PDIA4: variants seen among roughly 807,000 people sequenced by gnomAD.
PDIA4 encodes the protein protein disulfide isomerase family A member 4.
PDIA4 carries 33 observed loss-of-function variants against 62.1 expected under a neutral mutation model. The ratio of observed to expected loss-of-function variants is 0.53; its 90% CI spans 0.40 to 0.71. The LOEUF (loss-of-function observed/expected upper bound fraction) is 0.71, where lower values mean the gene tolerates loss of function less well. Ranked by LOEUF, PDIA4 falls within the 30% of genes least tolerant of loss-of-function variation. PDIA4 has a pLI of 0.00. For missense variants in PDIA4, 804 were observed against 813.6 expected (o/e 0.99, Z 0.14); for synonymous variants, 341 against 324.1 (o/e 1.05, Z -0.56).
chr7:149,006,881 A>C (rs1342229440), intron 7 of PDIA4, among the ~76,000 whole-genome samples: 2 of 152,220 alleles, frequency 1.3e-5, no homozygotes, highest in Non-Finnish European at 2.9e-5. Flanking sequence ...CGCCAGAAGA[A>C]CTGGGAGCAG....
intron 1 of PDIA4, among the ~76,000 whole-genome samples, chr7:149,021,790 T>C (rs1419761648): frequency 2.0e-5 from 3 of 152,148 alleles, no homozygotes; most frequent in African/African-American, 7.2e-5. Flanking sequence ...AACCCTGCCC[T>C]GAGCCCAGAC....
rs528681758 is a variant in PDIA4, at chr7:149,003,549, T to A, written c.*245A>T. On this transcript the variant is annotated 3_prime_UTR_variant, in exon 10 of 10. Transcript: ENST00000652332. ...AGAAATTAGAAGGTGTAAAAAAAAATTTTTCAAACCCCAAATAATGATAAA... is the reference window on the plus strand; with the variant it reads ...AGAAATTAGAAGGTGTAAAAAAAAAATTTTCAAACCCCAAATAATGATAAA... 7 of 362,210 alleles carry A rather than the reference T, an allele frequency of 1.9e-5. No individual in the cohort carries two copies. Among genetic ancestry groups the A allele is most frequent in the South Asian group, 1.5e-4 (1 of 6,772 alleles). 22.4% of individuals were successfully genotyped at this position (362,210 alleles called of 1,614,324 possible).
At chr7:149,018,825 C>A in intron 3 of PDIA4, among the ~76,000 whole-genome samples, 167 bp downstream of exon 3, 1 of 139,112 alleles carries the variant, frequency 7.2e-6, no homozygotes, top group African/African-American at 2.6e-5. Context: ...CACTACTCCC[C>A]CCTCCTACCC....
chr7:149,020,993 T>C lies in PDIA4; in HGVS notation c.243A>G (p.Thr81=), dbSNP rs879077152. The C allele has an allele frequency of 1.2e-6, 2 of 1,614,056 alleles. No individual in the cohort carries two copies. Among genetic ancestry groups the C allele is most frequent in the African/African-American group, 1.3e-5 (1 of 74,934 alleles). Residue 81 remains threonine (T), a synonymous_variant, in exon 2 of 10, where the codon ACA becomes ACG. Coordinates refer to ENST00000652332, the MANE Select transcript of PDIA4 (RefSeq NM_004911.5). ...ATGGAGCATAAAACTCCAGCAGCAC[T>C]GTGTCTTTGTCAGCCACAAAATTAT... ...NFDNFVADKD[T]VLLEFYAPWC...
Position 149,004,033 on chromosome 7 carries a change from T to C in PDIA4, c.1699A>G (p.Ser567Gly). 1 of 1,614,178 alleles carries C rather than the reference T, an allele frequency of 6.2e-7. No individual in the cohort carries two copies. The highest frequency in any genetic ancestry group is 8.5e-7 in the Non-Finnish European group (1 of 1,180,008). ...HCKQLEPVYN[S>G]LAKKYKGQKG... ...TGGCCCTTGTACTTCTTGGCCAGGCTGTTGTACACGGGCTCTAGCTGCTTG... is the reference window on the plus strand; with the variant it reads ...TGGCCCTTGTACTTCTTGGCCAGGCCGTTGTACACGGGCTCTAGCTGCTTG... The change falls in exon 10 of 10, where the codon AGC (serine) becomes GGC (glycine). Residue 567 changes from serine (S) to glycine (G), a missense_variant. Coordinates refer to ENST00000652332, the MANE Select transcript of PDIA4 (RefSeq NM_004911.5).
chr7:149,006,162 CT>C, intron 7 of PDIA4, 109 bp from the exon 8 acceptor site: 1 of 1,185,120 alleles, frequency 8.4e-7, no homozygotes, highest in Non-Finnish European at 1.1e-6. Context: ...GGGGATCAGT[CT>C]TAGGAGGCAA....
At chr7:149,011,304 C>A (rs1036739117) in intron 6 of PDIA4, among the ~76,000 whole-genome samples, 1 of 152,138 alleles carries the variant, frequency 6.6e-6, no homozygotes, top group Admixed American at 6.5e-5. Context: ...CCTGCCCCTA[C>A]CCCAACAGAA....
At chr7:149,025,973 G>A (rs1394366235) in intron 1 of PDIA4, among the ~76,000 whole-genome samples, 5 of 152,108 alleles carry the variant, frequency 3.3e-5, no homozygotes, top group Non-Finnish European at 7.3e-5. Flanking sequence ...CCCTGCAACC[G>A]GAGGCTTAAA....
rs1358932752 is a variant in PDIA4 at position 149,003,242 on chromosome 7, A to T, written c.*552T>A. ...CTGAGCCCACCCTGGGGGACCCTGG[A>T]TCATGCCCCTTTGCCCCCAGCCCTT... On this transcript the variant is annotated 3_prime_UTR_variant, in exon 10 of 10. Coordinates refer to ENST00000652332, the MANE Select transcript of PDIA4 (RefSeq NM_004911.5). 2 of 158,762 alleles carry T rather than the reference A, an allele frequency of 1.3e-5. No individual in the cohort carries two copies. Among genetic ancestry groups the T allele is most frequent in the African/African-American group, 4.8e-5 (2 of 41,486 alleles). The allele number at this position is 158,762 out of a possible 1,614,324, so 9.8% of individuals were successfully genotyped here. A position where few individuals can be genotyped will look rare whatever the true frequency, so the allele number is the denominator to read the frequency against.
rs539882882 is a variant in PDIA4 at position 149,028,248 on chromosome 7, C to G, written c.88+73G>C. ...CGCGGAAGCCCGCCCGCCGGGGTCG[C>G]AGGGCCCAGGCCCCCGCACAGCTCT... On this transcript the variant is annotated intron_variant, in intron 1 of 9. Transcript: ENST00000652332. The G allele has an allele frequency of 2.5e-3, 2,801 of 1,142,084 alleles. 36 individuals are homozygous for G. In the African/African-American group the frequency reaches 0.031, roughly 13 times the overall value. The allele number at this position is 1,142,084 out of a possible 1,614,324, so 70.7% of individuals were successfully genotyped here. A position where few individuals can be genotyped will look rare whatever the true frequency, so the allele number is the denominator to read the frequency against.
In PDIA4 at chr7:149,005,937, G is replaced by C; in HGVS notation, c.1248C>G (p.Val416=). ...AGCTGAAGTCCACACTGTAGTAGAC[G>C]ACCACCAGGGGGCGCCTGGTGTAGC... ...AKRYTRRPLV[V]VYYSVDFSFD... The change falls in exon 8 of 10, where the codon GTC becomes GTG. Residue 416 remains valine, a synonymous_variant. Coordinates refer to ENST00000652332, the MANE Select transcript of PDIA4 (RefSeq NM_004911.5). 1 of 1,532,344 alleles carries C rather than the reference G, an allele frequency of 6.5e-7. No individual in the cohort carries two copies. The highest frequency in any genetic ancestry group is 8.7e-7 in the Non-Finnish European group (1 of 1,151,262). 94.9% of individuals were successfully genotyped at this position (1,532,344 alleles called of 1,614,324 possible). A position where few individuals can be genotyped will look rare whatever the true frequency, so the allele number is the denominator to read the frequency against.
chr7:149,012,597 G>A (rs888705426), intron 4 of PDIA4, among the ~76,000 whole-genome samples: 1 of 152,164 alleles, frequency 6.6e-6, no homozygotes, highest in African/African-American at 2.4e-5. Flanking sequence ...GTACACACAT[G>A]TACAGGACAC....
intron 8 of PDIA4, 132 bp downstream of exon 8, chr7:149,005,765 C>A: frequency 1.5e-6 from 1 of 684,948 alleles, no homozygotes; most frequent in Non-Finnish European, 2.3e-6. Flanking sequence ...CACCAACGTG[C>A]AAGGGCCCCA....
Position 149,019,097 on chromosome 7 carries a change from A to G in PDIA4, c.370T>C (p.Ser124Pro). 2 of 1,613,652 alleles carry G rather than the reference A, an allele frequency of 1.2e-6. No individual in the cohort carries two copies. The highest frequency in any genetic ancestry group is 2.2e-5 in the South Asian group (2 of 91,058). The change falls in exon 3 of 10, where the codon TCA (serine) becomes CCA (proline). Residue 124 changes from serine (S) to proline (P), a missense_variant. Physicochemically the swap from Ser to Pro is moderately conservative, Grantham distance 74. Coordinates refer to ENST00000652332, the MANE Select transcript of PDIA4 (RefSeq NM_004911.5). The stretch of plus-strand genomic sequence containing the variant: ...AACCTGCTGGCCAGCACAGACGCTG[A>G]GGTTGCATCGATCTTGGCAACAGGA... The part of the protein sequence containing the change: ...PIPVAKIDAT[S>P]ASVLASRFDV...
intron 1 of PDIA4, among the ~76,000 whole-genome samples, chr7:149,025,085 A>AAATATAAATATATATAT (rs1554446854): frequency 4.5e-5 from 1 of 22,338 alleles, no homozygotes; most frequent in African/African-American, 6.0e-5. Context: ...AAAAAAAAAA[A>AAATATAAATATATATAT]ATATATATAT....
chr7:149,004,063 G>A lies in PDIA4; in HGVS notation c.1669C>T (p.His557Tyr), dbSNP rs1427880373. The part of the protein sequence containing the change: ...LIEFYAPWCG[H>Y]CKQLEPVYNS... ...TACACGGGCTCTAGCTGCTTGCAGTGCCCGCACCATGGCGCGTAGAACTCG... is the reference window on the plus strand; with the variant it reads ...TACACGGGCTCTAGCTGCTTGCAGTACCCGCACCATGGCGCGTAGAACTCG... Residue 557 changes from histidine (H) to tyrosine (Y), a missense_variant, in exon 10 of 10, where the codon CAC (histidine) becomes TAC (tyrosine). Coordinates refer to ENST00000652332, the MANE Select transcript of PDIA4 (RefSeq NM_004911.5). 6.2e-7 allele frequency: 1 copy of A among 1,614,064 alleles called. No individual in the cohort carries two copies. The highest frequency in any genetic ancestry group is 8.5e-7 in the Non-Finnish European group (1 of 1,180,040).
rs867790449 is a variant in PDIA4, at chr7:149,013,842, A to G, written c.614+1062T>C. Among the ~76,000 whole-genome samples, 44 of 152,342 alleles carry G rather than the reference A, an allele frequency of 2.9e-4. No homozygotes were observed. In the Middle Eastern group the frequency reaches 0.014, roughly 47 times the overall value. On this transcript the variant is annotated intron_variant, in intron 4 of 9. Transcript: ENST00000652332. ...TACACTCGCTGAGCGTGCACTGTGC[A>G]GCAGTCGGCTCAACCTGGCTCCTGA...
At position 149,008,077 on chromosome 7, in the gene PDIA4, T is replaced by C. The variant is rs1317439270; in HGVS notation, c.1131+82A>G. 24 of 1,352,222 alleles carry C rather than the reference T, an allele frequency of 1.8e-5. No homozygotes were observed. In the East Asian group the frequency reaches 2.8e-4, roughly 16 times the overall value. 83.8% of individuals were successfully genotyped at this position (1,352,222 alleles called of 1,614,324 possible). A position where few individuals can be genotyped will look rare whatever the true frequency, so the allele number is the denominator to read the frequency against. On this transcript the variant is annotated intron_variant, in intron 7 of 9. Coordinates refer to ENST00000652332, the MANE Select transcript of PDIA4 (RefSeq NM_004911.5). The stretch of plus-strand genomic sequence containing the variant: ...GCAGACAAGAGCGAAACCTCCACGT[T>C]TGAAACCTCAGAGGTGGCTCAAAGC...
Position 149,012,335 on chromosome 7 carries a change from G to C in PDIA4, c.640C>G (p.Pro214Ala), listed in dbSNP as rs558794904. The C allele has an allele frequency of 6.2e-6, 10 of 1,613,542 alleles. No individual in the cohort carries two copies. Among genetic ancestry groups the C allele is most frequent in the Non-Finnish European group, 8.5e-6 (10 of 1,180,022 alleles). The stretch of plus-strand genomic sequence containing the variant: ...TCCTTGGCGGCCTTCTCATACTCGG[G>C]GGCAAGTTTCTTGCAGTGTCCACAC... ...PWCGHCKKLA[P>A]EYEKAAKELS... Residue 214 changes from proline (P) to alanine (A), a missense_variant, in exon 5 of 10, where the codon CCC becomes GCC. By Grantham distance (27) the Pro-to-Ala change is conservative. Coordinates refer to ENST00000652332, the MANE Select transcript of PDIA4 (RefSeq NM_004911.5).
Sources: gnomAD v4.1 joint callset for allele counts (sites outside exome capture counted in the v4.1 genomes callset) on GRCh38, gnomAD v4.1.1 for gene constraint, MANE v1.5 for transcripts, NCBI Gene and HGNC (gene_info 2026-07-23, HGNC 2026-07-21) for gene names.